The following ANO1 variants were observed in gnomAD, a reference collection of about 807,000 sequenced individuals.
The protein encoded by ANO1 is anoctamin-1.
ANO1 carries 59 observed loss-of-function variants against 124.0 expected under a neutral mutation model. The observed-to-expected ratio is 0.48, with a 90% CI of 0.39 to 0.59. The LOEUF is 0.59. ANO1 is among the 20% of genes least tolerant of loss of function. The pLI, the probability that ANO1 is intolerant of heterozygous loss-of-function variation, is 0.00. For synonymous variants in ANO1, 529 were observed against 532.0 expected (o/e 0.99, Z 0.08); for missense variants, 1,059 against 1,328.0 (o/e 0.80, Z 3.15).
At chr11:70,066,973 G>A (rs1857742406) in intron 1 of ANO1, among the ~76,000 whole-genome samples, 1 of 152,230 alleles carries the variant, frequency 6.6e-6, no homozygotes, top group South Asian at 2.1e-4. Flanking sequence ...CCAGCGGGGA[G>A]GCCAGTCTGT....
At chr11:70,086,032 C>T (rs918459322) in intron 1 of ANO1, among the ~76,000 whole-genome samples, 4 of 152,228 alleles carry the variant, frequency 2.6e-5, no homozygotes, top group South Asian at 2.1e-4. Context: ...CCCTGCCTGG[C>T]GCAGCATGCC....
chr11:70,065,934 C>A (rs1555008513), intron 1 of ANO1, among the ~76,000 whole-genome samples: 1 of 152,192 alleles, frequency 6.6e-6, no homozygotes, highest in Non-Finnish European at 1.5e-5. Context: ...AGCCCGCCGT[C>A]CCCTCTTCCT....
intron 1 of ANO1, among the ~76,000 whole-genome samples, chr11:70,063,236 C>T (rs1301103969): frequency 7.2e-5 from 11 of 152,088 alleles, no homozygotes; most frequent in African/African-American, 2.4e-4. Context: ...ATTTTTACTG[C>T]ATCAATTGAT....
chr11:69,975,758 G>A, the ANO1 span, among the ~76,000 whole-genome samples: 526 of 152,358 alleles, frequency 3.5e-3, 2 homozygotes, highest in African/African-American at 0.012. Context: ...ACCAGCCAGC[G>A]AAACCTGTCA....
chr11:70,022,476 C>T, intron 1 of ANO1, among the ~76,000 whole-genome samples: 1 of 151,988 alleles, frequency 6.6e-6, no homozygotes, highest in East Asian at 1.9e-4. Context: ...GCAGGTGCCT[C>T]TAGTCCCAGC....
chr11:70,111,798 A>G (rs768730573), intron 7 of ANO1, 36 bp downstream of exon 7: 4 of 1,611,174 alleles, frequency 2.5e-6, no homozygotes, highest in Non-Finnish European at 3.4e-6. Flanking sequence ...TCTCTGCGTC[A>G]TTTGACTCCC....
intron 1 of ANO1, among the ~76,000 whole-genome samples, chr11:70,052,531 CTTTTTTTTTTTTTTTTTT>C (rs200770702): frequency 5.3e-4 from 35 of 65,916 alleles, no homozygotes; most frequent in South Asian, 2.3e-3. Context: ...TTTTTCTTTT[CTTTTTTTTTTTTTTTTTT>C]TTTTTTTTTT....
the ANO1 span, among the ~76,000 whole-genome samples, chr11:69,976,558 A>AGT: frequency 2.1e-5 from 2 of 93,404 alleles, no homozygotes; most frequent in Admixed American, 1.2e-4. Context: ...AAAAAAAGAG[A>AGT]GAGAGAGAGA....
chr11:70,125,043 G>A (rs2046437373), intron 9 of ANO1, among the ~76,000 whole-genome samples: 1 of 152,320 alleles, frequency 6.6e-6, no homozygotes, highest in Admixed American at 6.5e-5. Flanking sequence ...CCTTCCCAAG[G>A]CACCACAGAG....
chr11:70,135,989 C>T (rs757683109), intron 11 of ANO1, among the ~76,000 whole-genome samples: 1 of 152,244 alleles, frequency 6.6e-6, no homozygotes, highest in African/African-American at 2.4e-5. Context: ...GCATGGGTGC[C>T]GCAGCCACAG....
At chr11:70,072,469 A>G (rs569229667) in intron 1 of ANO1, 17 of 152,332 alleles carry the variant, frequency 1.1e-4, no homozygotes, top group African/African-American at 3.8e-4. Context: ...TTTTATTCCA[A>G]CCACAGGGTT....
intron 1 of ANO1, among the ~76,000 whole-genome samples, chr11:70,039,124 A>C (rs377733068): frequency 2.0e-5 from 3 of 152,314 alleles, no homozygotes; most frequent in African/African-American, 7.2e-5. Context: ...AAAGGTTTTC[A>C]TCCAACATGG....
chr11:69,995,804 T>A (rs1856258479), intron 1 of ANO1, among the ~76,000 whole-genome samples: 2 of 152,150 alleles, frequency 1.3e-5, no homozygotes, highest in South Asian at 4.1e-4. Flanking sequence ...AGCACTGGTG[T>A]TTGAAGTACT....
intron 1 of ANO1, among the ~76,000 whole-genome samples, chr11:69,986,449 G>T (rs1554996885): frequency 6.6e-6 from 1 of 152,134 alleles, no homozygotes; most frequent in Non-Finnish European, 1.5e-5. Context: ...GGCGCCGCCG[G>T]GCAGGGGCCC....
At chr11:70,031,725 C>T (rs1857004601) in intron 1 of ANO1, among the ~76,000 whole-genome samples, 1 of 152,220 alleles carries the variant, frequency 6.6e-6, no homozygotes, top group Non-Finnish European at 1.5e-5. Flanking sequence ...GCTGTCACTG[C>T]CGCTGTCACT....
intron 10 of ANO1, among the ~76,000 whole-genome samples, chr11:70,131,391 G>C (rs1484828323): frequency 6.6e-6 from 1 of 152,162 alleles, no homozygotes; most frequent in Non-Finnish European, 1.5e-5. Flanking sequence ...GCAGTGACGT[G>C]ATCTGGGCTC....
intron 1 of ANO1, among the ~76,000 whole-genome samples, chr11:70,040,606 C>T (rs781845116): frequency 1.2e-4 from 19 of 152,136 alleles, no homozygotes; most frequent in Admixed American, 2.0e-4. Context: ...GCCTGGGAGG[C>T]GGAGTTTGCT....
Position 70,101,946 on chromosome 11 carries a change from G to A in ANO1, c.442-1120G>A, listed in dbSNP as rs540575883. 9.2e-5 allele frequency among the ~76,000 whole-genome samples: 14 copies of A among 152,336 alleles called. No homozygotes were observed. In the East Asian group the frequency reaches 2.5e-3, roughly 27 times the overall value. The stretch of plus-strand genomic sequence containing the variant: ...AGGCAGCTCTGGCTCAGGGAGACTC[G>A]GCACTGTTTCCCTTCTCGTTGCGTC... On this transcript the variant is annotated intron_variant, in intron 2 of 25. Transcript: ENST00000355303.
intron 1 of ANO1, among the ~76,000 whole-genome samples, chr11:70,059,367 A>AT: frequency 6.6e-6 from 1 of 151,904 alleles, no homozygotes; most frequent in South Asian, 2.1e-4. Context: ...AAAAAAAAAA[A>AT]AAGCCGAACC....
Sources: gnomAD v4.1 joint callset for allele counts (sites outside exome capture counted in the v4.1 genomes callset) on GRCh38, gnomAD v4.1.1 for gene constraint, MANE v1.5 for transcripts, NCBI Gene and HGNC (gene_info 2026-07-23, HGNC 2026-07-21) for gene names.